DLGAP4: variants seen among roughly 807,000 people sequenced by gnomAD.
DLGAP4 encodes the protein disks large-associated protein 4.
DLGAP4 carries 18 observed loss-of-function variants against 86.9 expected under a neutral mutation model. The observed-to-expected ratio is 0.21, with a 90% CI of 0.14 to 0.31. The LOEUF is 0.31. DLGAP4 is among the 10% of genes least tolerant of loss of function. DLGAP4 has a pLI of 1.00. For synonymous variants in DLGAP4, 548 were observed against 574.3 expected (o/e 0.95, Z 0.65); for missense variants, 1,085 against 1,362.6 (o/e 0.80, Z 3.21).
chr20:36,399,235 A>G (rs2032085175), intron 2 of DLGAP4, among the ~76,000 whole-genome samples: 1 of 152,170 alleles, frequency 6.6e-6, no homozygotes, highest in South Asian at 2.1e-4. Context: ...AAACAAAAAC[A>G]AAAACATAAA....
chr20:36,324,115 C>A (rs1364052610), intron 1 of DLGAP4, among the ~76,000 whole-genome samples: 3 of 152,056 alleles, frequency 2.0e-5, no homozygotes, highest in Non-Finnish European at 4.4e-5. Flanking sequence ...ATATTTATGC[C>A]TGTGTTTTCT....
At chr20:36,523,178 A>T (rs2037484747) in intron 10 of DLGAP4, among the ~76,000 whole-genome samples, 1 of 152,082 alleles carries the variant, frequency 6.6e-6, no homozygotes, top group African/African-American at 2.4e-5. Context: ...TCTGCCTCCC[A>T]GGTAGCTGGG....
chr20:36,461,832 C>T, intron 7 of DLGAP4: 1 of 980,976 alleles, frequency 1.0e-6, no homozygotes, highest in Non-Finnish European at 1.2e-6. Context: ...CCCGCTTTGT[C>T]TCTCCCCGGC....
chr20:36,515,856 A>C (rs2037006732), intron 10 of DLGAP4, among the ~76,000 whole-genome samples: 1 of 152,270 alleles, frequency 6.6e-6, no homozygotes, highest in African/African-American at 2.4e-5. Flanking sequence ...AAATAACACT[A>C]AAACATTTCT....
rs2031841621 is a variant in DLGAP4, at chr20:36,393,208, C to T, written c.-73+25933C>T. 6.6e-6 allele frequency among the ~76,000 whole-genome samples: 1 copy of T among 152,058 alleles called. No individual in the cohort carries two copies. Among genetic ancestry groups the T allele is most frequent in the African/African-American group, 2.4e-5 (1 of 41,386 alleles). Reference sequence around the variant, plus strand: ...AGGGGTGGAAGGGGGTGATTCAAATCCCAGGGGATGAGGTGCATTGGGGAG... The same window carrying T: ...AGGGGTGGAAGGGGGTGATTCAAATTCCAGGGGATGAGGTGCATTGGGGAG... On this transcript the variant is annotated intron_variant, in intron 2 of 12. Coordinates refer to ENST00000339266, the MANE Select transcript of DLGAP4 (RefSeq NM_001365621.2). This position sits in a 1 kb window ranked among gnomAD's most constrained non-coding sequence, Gnocchi z 4.4.
chr20:36,507,337 C>T (rs989271147), intron 10 of DLGAP4, among the ~76,000 whole-genome samples: 1 of 152,096 alleles, frequency 6.6e-6, no homozygotes, highest in East Asian at 1.9e-4. Flanking sequence ...AAGTGATTCT[C>T]GTGCCTCAGC....
In DLGAP4 at chr20:36,368,374, G is replaced by A. The variant is rs1289612337; in HGVS notation, c.-73+1099G>A. On this transcript the variant is annotated intron_variant, in intron 2 of 12. Coordinates refer to ENST00000339266, the MANE Select transcript of DLGAP4 (RefSeq NM_001365621.2). The stretch of plus-strand genomic sequence containing the variant: ...ATGGTTATGAGAAGGGAAAAGATTC[G>A]TAAATATGTATAATATGCAAATGTA... 3.3e-5 allele frequency among the ~76,000 whole-genome samples: 5 copies of A among 152,250 alleles called. No homozygotes were observed. In the East Asian group the frequency reaches 5.8e-4, roughly 18 times the overall value.
At chr20:36,461,501 A>C in intron 7 of DLGAP4, 1 of 982,174 alleles carries the variant, frequency 1.0e-6, no homozygotes, top group Non-Finnish European at 1.2e-6. Flanking sequence ...GGGCTGCGTG[A>C]GGGAGGAGGG....
intron 2 of DLGAP4, among the ~76,000 whole-genome samples, chr20:36,426,095 T>C (rs2032965552): frequency 6.6e-6 from 1 of 152,102 alleles, no homozygotes; most frequent in Admixed American, 6.5e-5. Flanking sequence ...ACAACATGGG[T>C]GAACTTAGAA....
intron 12 of DLGAP4, 171 bp downstream of exon 12, chr20:36,526,177 C>A: frequency 1.1e-6 from 1 of 917,680 alleles, no homozygotes; most frequent in South Asian, 1.5e-5. Context: ...TCTGGCATGC[C>A]GCTTGCTCCG....
chr20:36,424,666 A>G (rs1426215118), intron 2 of DLGAP4, among the ~76,000 whole-genome samples: 1 of 151,876 alleles, frequency 6.6e-6, no homozygotes, highest in Non-Finnish European at 1.5e-5. Context: ...CTCTGACCCC[A>G]GATGAGAACC....
chr20:36,518,255 A>G (rs1600706251), intron 10 of DLGAP4, among the ~76,000 whole-genome samples: 1 of 151,886 alleles, frequency 6.6e-6, no homozygotes, highest in African/African-American at 2.4e-5. Flanking sequence ...ATTTTATTTC[A>G]TGGTTGTGTA....
chr20:36,350,957 A>G lies in DLGAP4; in HGVS notation c.-303-16088A>G, dbSNP rs782262098. On this transcript the variant is annotated intron_variant, in intron 1 of 12. Coordinates refer to ENST00000339266, the MANE Select transcript of DLGAP4 (RefSeq NM_001365621.2). This position sits in a 1 kb window ranked among gnomAD's most constrained non-coding sequence, Gnocchi z 4.4. Reference sequence around the variant, plus strand: ...TCAGGTGCCACGCCGGGGCAGCTGCATTGTTGGTTCAGAGGTATCTGTGGG... The same window carrying G: ...TCAGGTGCCACGCCGGGGCAGCTGCGTTGTTGGTTCAGAGGTATCTGTGGG... 6.6e-6 allele frequency among the ~76,000 whole-genome samples: 1 copy of G among 152,230 alleles called. No individual in the cohort carries two copies. The highest frequency in any genetic ancestry group is 1.5e-5 in the Non-Finnish European group (1 of 68,046).
intron 7 of DLGAP4, among the ~76,000 whole-genome samples, chr20:36,449,213 C>T (rs2033673279): frequency 6.6e-6 from 1 of 152,172 alleles, no homozygotes; most frequent in African/African-American, 2.4e-5. Flanking sequence ...TCTTATTCCC[C>T]CTCAGCTTCT....
intron 1 of DLGAP4, among the ~76,000 whole-genome samples, chr20:36,323,930 A>G (rs2065193414): frequency 6.6e-6 from 1 of 152,238 alleles, no homozygotes; most frequent in Non-Finnish European, 1.5e-5. Flanking sequence ...TCTGCAGCCC[A>G]GTTCCTAACA....
intron 7 of DLGAP4, among the ~76,000 whole-genome samples, chr20:36,460,801 G>A (rs2034007189): frequency 6.6e-6 from 1 of 152,246 alleles, no homozygotes; most frequent in African/African-American, 2.4e-5. Flanking sequence ...CCATGAGATC[G>A]TAGGTGTGCT....
At chr20:36,515,239 T>C (rs1355459742) in intron 10 of DLGAP4, among the ~76,000 whole-genome samples, 3 of 152,260 alleles carry the variant, frequency 2.0e-5, no homozygotes, top group Non-Finnish European at 4.4e-5. Context: ...ATGGATCAAG[T>C]TTAGAATTGT....
chr20:36,524,302 G>A lies in DLGAP4; in HGVS notation c.2565G>A (p.Gln855=). The change falls in exon 11 of 13, where the codon CAG becomes CAA. Residue 855 remains glutamine (Q), a synonymous_variant. Transcript: ENST00000339266. ...AVGSAQLLMS[Q]KFQQFRGLCE... is the part of the protein sequence containing the mutation. ...GCAGTGCCCAGCTACTGATGTCCCA[G>A]AAATTCCAGCAGTTCCGGGGCCTCT... The A allele has an allele frequency of 6.2e-7, 1 of 1,614,060 alleles. No homozygotes were observed. Among genetic ancestry groups the A allele is most frequent in the East Asian group, 2.2e-5 (1 of 44,884 alleles).
At chr20:36,430,927 C>T (rs2033111196) in intron 2 of DLGAP4, among the ~76,000 whole-genome samples, 1 of 148,744 alleles carries the variant, frequency 6.7e-6, no homozygotes, top group Admixed American at 6.8e-5. Flanking sequence ...TGCACTCCAG[C>T]CTGGGTAACA....
Sources: allele counts gnomAD v4.1 joint callset (sites outside exome capture counted in the v4.1 genomes callset), GRCh38; gene constraint gnomAD v4.1.1; non-coding constraint Gnocchi (gnomAD v3.1); transcripts MANE v1.5; gene names NCBI Gene and HGNC (gene_info 2026-07-23, HGNC 2026-07-21).